The following SP100 variants were observed in gnomAD, a reference collection of about 807,000 sequenced individuals.
The protein encoded by SP100 is SP100 nuclear body protein.
Under a neutral mutation model 130.0 loss-of-function variants are expected in SP100, and 84 were observed. The ratio of observed to expected loss-of-function variants is 0.65; its 90% CI spans 0.54 to 0.77. SP100 has a LOEUF of 0.77. Among genes scored for constraint, SP100 ranks in the 30% least tolerant of loss-of-function variants. The pLI is 0.00. For missense variants in SP100, 978 were observed against 1,052.2 expected (o/e 0.93, Z 0.97); for synonymous variants, 331 against 351.7 (o/e 0.94, Z 0.66).
intron 24 of SP100, among the ~76,000 whole-genome samples, chr2:230,532,461 G>A (rs1207293897): frequency 4.0e-5 from 6 of 151,672 alleles, no homozygotes; most frequent in Admixed American, 3.9e-4. Flanking sequence ...ATACTAATTG[G>A]GATTTCTCTC....
In SP100 at chr2:230,544,715, A is replaced by G. The variant is rs2150119965; in HGVS notation, c.*1769A>G. Among the ~76,000 whole-genome samples, 1 of 152,284 alleles carries G rather than the reference A, an allele frequency of 6.6e-6. No individual in the cohort carries two copies. Among genetic ancestry groups the G allele is most frequent in the South Asian group, 2.1e-4 (1 of 4,830 alleles). ...AGGCTGGTCTTGAACTCCCGACCTCAGGTGATCCACCCACCTCGGCCTCCC... is the reference window on the plus strand; with the variant it reads ...AGGCTGGTCTTGAACTCCCGACCTCGGGTGATCCACCCACCTCGGCCTCCC... On this transcript the variant is annotated 3_prime_UTR_variant, in exon 29 of 29. Transcript: ENST00000340126.
At chr2:230,459,078 G>A (rs2064441341) in intron 8 of SP100, among the ~76,000 whole-genome samples, 2 of 152,002 alleles carry the variant, frequency 1.3e-5, no homozygotes, top group South Asian at 4.1e-4. Context: ...ACCTCACCCT[G>A]GTTCTGTCTC....
At chr2:230,438,644 TATATAC>T (rs1471596365) in intron 2 of SP100, among the ~76,000 whole-genome samples, 2 of 100,662 alleles carry the variant, frequency 2.0e-5, no homozygotes, top group Non-Finnish European at 4.7e-5. Context: ...ATGGTGTATA[TATATAC>T]ACACACACAC....
chr2:230,430,729 G>A (rs76049315), intron 2 of SP100, among the ~76,000 whole-genome samples: 2 of 152,282 alleles, frequency 1.3e-5, no homozygotes, highest in East Asian at 3.9e-4. Flanking sequence ...GCCATAGGCT[G>A]GGATCTCTGG....
chr2:230,437,856 G>A (rs768169158), intron 2 of SP100, among the ~76,000 whole-genome samples: 27 of 152,064 alleles, frequency 1.8e-4, no homozygotes, highest in South Asian at 4.1e-4. Context: ...GCGCCCAGCC[G>A]TGTTCTCTGT....
chr2:230,457,176 G>A (rs1316353332), intron 8 of SP100, among the ~76,000 whole-genome samples: 2 of 152,192 alleles, frequency 1.3e-5, no homozygotes, highest in African/African-American at 2.4e-5. Context: ...ACAACCAGTG[G>A]GCAGGTCTGT....
At chr2:230,542,287 T>C (rs1448023947) in intron 28 of SP100, among the ~76,000 whole-genome samples, 2 of 152,124 alleles carry the variant, frequency 1.3e-5, no homozygotes, top group South Asian at 2.1e-4. Context: ...AGATGGTTTG[T>C]TTTCACCCAT....
rs1045494407 is a variant in SP100, at chr2:230,474,464, A to G, written c.1600+17A>G. 3 of 1,151,678 alleles carry G rather than the reference A, an allele frequency of 2.6e-6. No individual in the cohort carries two copies. The highest frequency in any genetic ancestry group is 3.8e-6 in the Non-Finnish European group (3 of 780,918). 71.3% of individuals were successfully genotyped at this position (1,151,678 alleles called of 1,614,324 possible). A position where few individuals can be genotyped will look rare whatever the true frequency, so the allele number is the denominator to read the frequency against. On this transcript the variant is annotated intron_variant, in intron 17 of 28. Transcript: ENST00000340126. ...GGAAAAGAAGTAAGAACAAATAAGA[A>G]TTTACTTAATTTTTATGTTACAAAT...
chr2:230,468,981 G>C, intron 13 of SP100, 62 bp from the exon 14 acceptor site: 2 of 1,025,482 alleles, frequency 2.0e-6, no homozygotes, highest in Non-Finnish European at 3.0e-6. Context: ...AGTGTAAGCA[G>C]TCATAAGATT....
At chr2:230,416,801 G>A (rs2149848142) in intron 1 of SP100, 2 of 985,878 alleles carry the variant, frequency 2.0e-6, no homozygotes. Context: ...TCTGCCGGCT[G>A]TTCCCATGAC....
rs202037645 is a variant in SP100 at position 230,417,655 on chromosome 2, G to T, written c.97G>T (p.Asp33Tyr). The T allele has an allele frequency of 6.2e-7, 1 of 1,612,372 alleles. No homozygotes were observed. The highest frequency in any genetic ancestry group is 8.5e-7 in the Non-Finnish European group (1 of 1,179,452). ...EMNHLPAHSH[D>Y]LQRMFTEDQG... ...GAACCATCTTCCTGCACACAGCCAC[G>T]ATTTGCAAAGGTGATGAATGAAGAG... Residue 33 changes from aspartate (D) to tyrosine (Y), a missense_variant, in exon 2 of 29, where the codon GAT becomes TAT. Coordinates refer to ENST00000340126, the MANE Select transcript of SP100 (RefSeq NM_001080391.2).
chr2:230,543,037 TC>T lies in SP100; in HGVS notation c.*93del. The T allele has an allele frequency of 1.5e-6, 1 of 652,758 alleles. No homozygotes were observed. Among genetic ancestry groups the T allele is most frequent in the African/African-American group, 1.9e-5 (1 of 54,022 alleles). 40.4% of individuals were successfully genotyped at this position (652,758 alleles called of 1,614,324 possible). A position where few individuals can be genotyped will look rare whatever the true frequency, so the allele number is the denominator to read the frequency against. On this transcript the variant is annotated 3_prime_UTR_variant, in exon 29 of 29. Coordinates refer to ENST00000340126, the MANE Select transcript of SP100 (RefSeq NM_001080391.2). ...AATCTGTGACTGCTCCTGTGGAAAC[TC>T]CACATCACAATTCTCCAAAATTTAT...
intron 14 of SP100, 78 bp downstream of exon 14, chr2:230,469,174 T>G: frequency 1.1e-6 from 1 of 910,716 alleles, no homozygotes; most frequent in Non-Finnish European, 1.7e-6. Context: ...TTATGTTATA[T>G]CCTTTAAAAT....
At chr2:230,428,262 T>C (rs1256710582) in intron 2 of SP100, among the ~76,000 whole-genome samples, 1 of 152,048 alleles carries the variant, frequency 6.6e-6, no homozygotes, top group Non-Finnish European at 1.5e-5. Context: ...AAAATAGAAG[T>C]ACCTGAGACT....
chr2:230,512,163 G>A (rs1046239515), intron 24 of SP100, among the ~76,000 whole-genome samples: 2 of 151,890 alleles, frequency 1.3e-5, no homozygotes, highest in African/African-American at 4.8e-5. Flanking sequence ...CACAGTGCTG[G>A]CCAGGAAGAA....
intron 17 of SP100, among the ~76,000 whole-genome samples, chr2:230,491,906 T>C (rs1040976453): frequency 6.6e-6 from 1 of 152,228 alleles, no homozygotes; most frequent in African/African-American, 2.4e-5. Context: ...TTCCTTGAAA[T>C]AAATGAATGG....
chr2:230,477,252 T>A (rs2065603050), intron 17 of SP100, among the ~76,000 whole-genome samples: 1 of 152,154 alleles, frequency 6.6e-6, no homozygotes, highest in African/African-American at 2.4e-5. Flanking sequence ...ATCTTGGTCA[T>A]ATACGTTGCT....
At chr2:230,518,830 T>G (rs904382858) in intron 24 of SP100, among the ~76,000 whole-genome samples, 2 of 152,194 alleles carry the variant, frequency 1.3e-5, no homozygotes, top group African/African-American at 4.8e-5. Context: ...GATAGTTGTT[T>G]TATTAAAGCA....
chr2:230,537,286 G>T (rs907032255), intron 24 of SP100, among the ~76,000 whole-genome samples: 4 of 152,136 alleles, frequency 2.6e-5, no homozygotes, highest in African/African-American at 4.8e-5. Flanking sequence ...CAGCTGGACT[G>T]GTACAGGACA....
Sources: gnomAD v4.1 joint callset for allele counts (sites outside exome capture counted in the v4.1 genomes callset) on GRCh38, gnomAD v4.1.1 for gene constraint, MANE v1.5 for transcripts, NCBI Gene and HGNC (gene_info 2026-07-23, HGNC 2026-07-21) for gene names.